LHFPL3: variants seen among roughly 807,000 people sequenced by gnomAD.
The protein encoded by LHFPL3 is LHFPL tetraspan subfamily member 3.
Under a neutral mutation model 19.3 loss-of-function variants are expected in LHFPL3, and 5 were observed. The ratio of observed to expected loss-of-function variants is 0.26; its 90% CI spans 0.14 to 0.54. LHFPL3 has a LOEUF of 0.54. Ranked by LOEUF, LHFPL3 falls within the 20% of genes least tolerant of loss-of-function variation. LHFPL3 has a pLI of 0.94. For missense variants in LHFPL3, 249 were observed against 307.4 expected (o/e 0.81, Z 1.42); for synonymous variants, 133 against 126.2 (o/e 1.05, Z -0.36).
At chr7:104,484,617 T>A (rs1793203826) in intron 1 of LHFPL3, among the ~76,000 whole-genome samples, 2 of 152,206 alleles carry the variant, frequency 1.3e-5, no homozygotes, top group Admixed American at 1.3e-4. Context: ...GTCCATTTTG[T>A]GCTGCTATAA....
intron 1 of LHFPL3, among the ~76,000 whole-genome samples, chr7:104,624,004 G>A (rs1435118599): frequency 6.6e-6 from 1 of 152,204 alleles, no homozygotes; most frequent in Non-Finnish European, 1.5e-5. Context: ...CTGGACAAGC[G>A]ACAGTGTCTA....
intron 2 of LHFPL3, among the ~76,000 whole-genome samples, chr7:104,842,142 T>A (rs1230568464): frequency 6.6e-6 from 1 of 150,376 alleles, no homozygotes; most frequent in Non-Finnish European, 1.5e-5. Context: ...ATAACCAGCA[T>A]GTCTGTTCTG....
At chr7:104,528,462 G>A (rs977446785) in intron 1 of LHFPL3, among the ~76,000 whole-genome samples, 3 of 152,038 alleles carry the variant, frequency 2.0e-5, no homozygotes, top group Non-Finnish European at 4.4e-5. Flanking sequence ...AGGCAGATAA[G>A]CAATTAAAAA....
chr7:104,893,855 C>A (rs571050222), intron 2 of LHFPL3, among the ~76,000 whole-genome samples: 1 of 150,910 alleles, frequency 6.6e-6, no homozygotes, highest in Non-Finnish European at 1.5e-5. Context: ...AGGAGGCTGA[C>A]GTGGGAGAAT....
intron 1 of LHFPL3, among the ~76,000 whole-genome samples, chr7:104,486,855 C>G (rs1793247007): frequency 6.6e-6 from 1 of 151,762 alleles, no homozygotes; most frequent in Non-Finnish European, 1.5e-5. Flanking sequence ...ATTTTTCAGT[C>G]TTTCTTATTC....
intron 1 of LHFPL3, among the ~76,000 whole-genome samples, chr7:104,456,044 G>C (rs1399744605): frequency 6.6e-6 from 1 of 152,116 alleles, no homozygotes. Flanking sequence ...CAGTGTATGA[G>C]GTCATACAGT....
chr7:104,412,104 G>T (rs1791544680), intron 1 of LHFPL3, among the ~76,000 whole-genome samples: 1 of 150,370 alleles, frequency 6.7e-6, no homozygotes, highest in African/African-American at 2.5e-5. Context: ...ATTAATGTGG[G>T]ATTCAATAAG....
At chr7:104,876,499 T>C (rs1409603197) in intron 2 of LHFPL3, among the ~76,000 whole-genome samples, 2 of 151,216 alleles carry the variant, frequency 1.3e-5, no homozygotes, top group Middle Eastern at 3.2e-3. Flanking sequence ...AGAAGACATT[T>C]ATGCAGCCAA....
chr7:104,469,380 T>C (rs1167175754), intron 1 of LHFPL3, among the ~76,000 whole-genome samples: 1 of 152,234 alleles, frequency 6.6e-6, no homozygotes, highest in Non-Finnish European at 1.5e-5. Context: ...GTGCTACTCA[T>C]TTTGTGACTG....
chr7:104,632,371 C>T lies in LHFPL3; in HGVS notation c.446-104304C>T, dbSNP rs148046254. Among the ~76,000 whole-genome samples the T allele has an allele frequency of 1.9e-4, 29 of 152,134 alleles. No individual in the cohort carries two copies. The East Asian group carries it at 4.4e-3, about 23-fold the overall frequency. On this transcript the variant is annotated intron_variant, in intron 1 of 2. Transcript: ENST00000424859. The stretch of plus-strand genomic sequence containing the variant: ...TTTAATATGACCTTCAGGATGTAGA[C>T]GTTGTTATTTTAATAAAAGGAAAGA...
In LHFPL3 at chr7:104,675,840, C is replaced by A. The variant is rs1050973134; in HGVS notation, c.446-60835C>A. ...AGAACAACTGGTTTGGGAGGAAAAT[C>A]AGGACTTCCCTTTTAGATATATTAC... On this transcript the variant is annotated intron_variant, in intron 1 of 2. Coordinates refer to ENST00000424859, the MANE Select transcript of LHFPL3 (RefSeq NM_199000.3). Among the ~76,000 whole-genome samples, 9 of 114,160 alleles carry A rather than the reference C, an allele frequency of 7.9e-5. No individual in the cohort carries two copies. In the South Asian group the frequency reaches 1.5e-3, roughly 19 times the overall value. 74.9% of individuals were successfully genotyped at this position (114,160 alleles called of 152,430 possible).
At chr7:104,618,352 A>G (rs1791386212) in intron 1 of LHFPL3, among the ~76,000 whole-genome samples, 1 of 152,182 alleles carries the variant, frequency 6.6e-6, no homozygotes, top group African/African-American at 2.4e-5. Context: ...GACTCATATG[A>G]TCTTCATGAC....
At chr7:104,783,276 G>T (rs12673938) in intron 2 of LHFPL3, among the ~76,000 whole-genome samples, 28,480 of 152,148 alleles carry the variant, frequency 0.19, 3,631 homozygotes, top group East Asian at 0.72. Flanking sequence ...GACTGCTCCT[G>T]TGTGTTTCCA....
Position 104,392,294 on chromosome 7 carries a change from C to T in LHFPL3, c.445+63070C>T, listed in dbSNP as rs531470999. Among the ~76,000 whole-genome samples, 242 of 151,842 alleles carry T rather than the reference C, an allele frequency of 1.6e-3. No homozygotes were observed. In the Middle Eastern group the frequency reaches 0.02, roughly 13 times the overall value. ...TCAAAGGGAATGCTTCCAGTTTTTG[C>T]CCATTCAGTATGATATTGGCTGTGG... On this transcript the variant is annotated intron_variant, in intron 1 of 2. Transcript: ENST00000424859.
intron 1 of LHFPL3, among the ~76,000 whole-genome samples, chr7:104,556,054 T>C (rs891985064): frequency 6.6e-6 from 1 of 152,238 alleles, no homozygotes; most frequent in Non-Finnish European, 1.5e-5. Flanking sequence ...TAGGCAGATC[T>C]GCCCCTGTGG....
chr7:104,558,469 A>G (rs1373960172), intron 1 of LHFPL3, among the ~76,000 whole-genome samples: 1 of 152,114 alleles, frequency 6.6e-6, no homozygotes, highest in Non-Finnish European at 1.5e-5. Flanking sequence ...TGGCTGCACA[A>G]ATGTCTTCTT....
intron 1 of LHFPL3, among the ~76,000 whole-genome samples, chr7:104,455,428 T>G (rs1348309295): frequency 6.6e-6 from 1 of 152,212 alleles, no homozygotes; most frequent in Non-Finnish European, 1.5e-5. Context: ...ATATGTTTAA[T>G]AGTTATTCCT....
intron 1 of LHFPL3, among the ~76,000 whole-genome samples, chr7:104,480,607 C>T (rs901662499): frequency 1.3e-5 from 2 of 152,166 alleles, no homozygotes; most frequent in African/African-American, 4.8e-5. Context: ...CTTTGTACAG[C>T]TCTCTGTTGT....
intron 1 of LHFPL3, among the ~76,000 whole-genome samples, chr7:104,579,361 G>C (rs1370527455): frequency 6.6e-6 from 1 of 152,008 alleles, no homozygotes; most frequent in East Asian, 1.9e-4. Flanking sequence ...CAATCTTTAT[G>C]TCCAGGGGCA....
Sources: allele counts gnomAD v4.1 joint callset (sites outside exome capture counted in the v4.1 genomes callset), GRCh38; gene constraint gnomAD v4.1.1; transcripts MANE v1.5; gene names NCBI Gene and HGNC (gene_info 2026-07-23, HGNC 2026-07-21).